The following DZANK1 variants were observed in gnomAD, a reference collection of about 807,000 sequenced individuals.
DZANK1 encodes double zinc ribbon and ankyrin repeat domains 1.
DZANK1 carries 91 observed loss-of-function variants against 94.5 expected under a neutral mutation model. The observed-to-expected ratio is 0.96, with a 90% CI of 0.81 to 1.15. DZANK1 has a LOEUF of 1.15. Among genes scored for constraint, DZANK1 ranks in the 50% most tolerant of loss-of-function variants. The pLI is 0.00. For synonymous variants in DZANK1, 312 were observed against 325.3 expected, an observed-to-expected ratio of 0.96 and a Z score of 0.44; for missense variants, 903 against 916.4, an observed-to-expected ratio of 0.99 and a Z score of 0.19.
intron 13 of DZANK1, among the ~76,000 whole-genome samples, chr20:18,401,152 G>C (rs2056656965): frequency 6.6e-6 from 1 of 152,106 alleles, no homozygotes; most frequent in Non-Finnish European, 1.5e-5. Context: ...GGCCAGGCTG[G>C]TCTCAAACTC....
At chr20:18,460,787 T>C (rs2059448219) in intron 2 of DZANK1, among the ~76,000 whole-genome samples, 1 of 152,194 alleles carries the variant, frequency 6.6e-6, no homozygotes, top group Non-Finnish European at 1.5e-5. Context: ...AACTGATCTA[T>C]AGGTTATTAT....
chr20:18,403,751 G>A (rs2056806059), intron 13 of DZANK1, among the ~76,000 whole-genome samples: 1 of 150,442 alleles, frequency 6.6e-6, no homozygotes, highest in South Asian at 2.1e-4. Context: ...GACCCAGGAT[G>A]ACTTTGAATG....
At chr20:18,415,835 G>A (rs559909498) in intron 10 of DZANK1, among the ~76,000 whole-genome samples, 1 of 152,298 alleles carries the variant, frequency 6.6e-6, no homozygotes, top group East Asian at 1.9e-4. Flanking sequence ...TCTATCCTTT[G>A]GAGTTTTGGT....
intron 13 of DZANK1, among the ~76,000 whole-genome samples, chr20:18,404,126 T>C (rs1170175026): frequency 2.7e-5 from 4 of 147,100 alleles, no homozygotes; most frequent in African/African-American, 9.8e-5. Flanking sequence ...ATTATGAGAT[T>C]TTTTTTTTTT....
intron 13 of DZANK1, among the ~76,000 whole-genome samples, chr20:18,400,567 G>A (rs577009421): frequency 6.6e-6 from 1 of 152,126 alleles, no homozygotes; most frequent in East Asian, 1.9e-4. Context: ...AGAGAATGGG[G>A]CACATTTGAT....
At chr20:18,389,886 G>C in intron 18 of DZANK1, 58 bp from the exon 19 acceptor site, 2 of 1,603,510 alleles carry the variant, frequency 1.2e-6, no homozygotes, top group African/African-American at 1.3e-5. Flanking sequence ...ACAGCATCCA[G>C]TCGCCATCCT....
intron 6 of DZANK1, chr20:18,451,980 T>C: frequency 1.9e-6 from 1 of 514,838 alleles, no homozygotes; most frequent in African/African-American, 1.9e-5. Flanking sequence ...ACAGATACCA[T>C]TTACAATTAG....
intron 12 of DZANK1, 118 bp downstream of exon 12, chr20:18,414,230 T>C (rs1374755709): frequency 1.7e-6 from 2 of 1,195,410 alleles, no homozygotes; most frequent in South Asian, 1.7e-5. Flanking sequence ...TGAAATTCCA[T>C]GTGAAAGTTC....
chr20:18,452,782 T>C, intron 5 of DZANK1, 43 bp from the exon 6 acceptor site: 1 of 1,514,818 alleles, frequency 6.6e-7, no homozygotes, highest in Non-Finnish European at 8.9e-7. Flanking sequence ...CATCTGTAAT[T>C]ATACATAATC....
rs765123667 is a variant in DZANK1 at position 18,414,341 on chromosome 20, G to T, written c.1242+7C>A. 1 of 1,613,540 alleles carries T rather than the reference G, an allele frequency of 6.2e-7. No homozygotes were observed. The highest frequency in any genetic ancestry group is 2.2e-5 in the East Asian group (1 of 44,878). On this transcript the variant is annotated splice_region_variant and intron_variant, in intron 12 of 20. Coordinates refer to ENST00000262547, the Ensembl canonical transcript of DZANK1. ...GGTACCAGTTCTTACTACAGGGGAG[G>T]CCTCACCTCAGAAAAAGGGCGAGGT...
At chr20:18,427,985 C>G (rs1381097574) in intron 9 of DZANK1, among the ~76,000 whole-genome samples, 1 of 151,550 alleles carries the variant, frequency 6.6e-6, no homozygotes, top group Non-Finnish European at 1.5e-5. Context: ...CCCGTCTCTA[C>G]TAAAAATACA....
intron 3 of DZANK1, among the ~76,000 whole-genome samples, chr20:18,457,566 G>C (rs2059332691): frequency 6.6e-6 from 1 of 152,144 alleles, no homozygotes; most frequent in Non-Finnish European, 1.5e-5. Flanking sequence ...AGGTATAGGG[G>C]TGTCATGGTG....
chr20:18,464,667 CTTTTTTTTT>C (rs1167738427), intron 2 of DZANK1, among the ~76,000 whole-genome samples: 3 of 77,824 alleles, frequency 3.9e-5, no homozygotes, highest in Non-Finnish European at 7.2e-5. Context: ...AGCACCGGGA[CTTTTTTTTT>C]TTTTTTTTTT....
rs188531118 is a variant in DZANK1 at position 18,435,525 on chromosome 20, C to T, written c.748-1760G>A. On this transcript the variant is annotated intron_variant, in intron 8 of 20. Transcript: ENST00000262547. The stretch of plus-strand genomic sequence containing the variant: ...AAACCAAACACTGCATGTTTTCACT[C>T]ATAAGTGGGAGTTGAACAATGAGAA... Among the ~76,000 whole-genome samples the T allele has an allele frequency of 2.3e-3, 351 of 152,162 alleles. 2 individuals are homozygous for T. The highest frequency in any genetic ancestry group is 0.01 in the South Asian group (49 of 4,818).
chr20:18,436,705 A>G (rs1448118359), intron 8 of DZANK1, among the ~76,000 whole-genome samples: 1 of 152,182 alleles, frequency 6.6e-6, no homozygotes, highest in East Asian at 1.9e-4. Context: ...GAAAACCAAT[A>G]CTCAGCACAT....
Position 18,390,466 on chromosome 20 carries a change from G to T in DZANK1, c.1810-7C>A, listed in dbSNP as rs546300054. On this transcript the variant is annotated splice_polypyrimidine_tract_variant and splice_region_variant and intron_variant, in intron 17 of 20. Transcript: ENST00000262547. ...GCAGGAGTCTGTTTTCAGGCTGCAG[G>T]ATTACAGAATGTGGTCATTTCCCCC... The T allele has an allele frequency of 6.8e-6, 11 of 1,613,550 alleles. No individual in the cohort carries two copies. In the African/African-American group the frequency reaches 1.2e-4, roughly 18 times the overall value.
intron 6 of DZANK1, chr20:18,452,098 A>G (rs1344356105): frequency 3.4e-5 from 12 of 348,876 alleles, no homozygotes; most frequent in Middle Eastern, 4.3e-4. Context: ...ACGATGCTCA[A>G]ACCCCACATC....
exon 9 of DZANK1, chr20:18,433,668 G>C (rs1045247753): frequency 1.2e-6 from 2 of 1,613,906 alleles, no homozygotes; most frequent in South Asian, 2.2e-5. Context: ...GTGGAGGCTT[G>C]CCTGTGGCTG....
At chr20:18,389,751 C>T (rs371766470) in exon 19 of DZANK1, 62 of 1,613,936 alleles carry the variant, frequency 3.8e-5, no homozygotes, top group African/African-American at 2.3e-4. Context: ...GAACTGGAAT[C>T]GCTTCATGGT....
Sources: allele counts gnomAD v4.1 joint callset (sites outside exome capture counted in the v4.1 genomes callset), GRCh38; gene constraint gnomAD v4.1.1; transcripts MANE v1.5; gene names NCBI Gene and HGNC (gene_info 2026-07-23, HGNC 2026-07-21).